Variants in MYT1L observed in about 807,000 individuals in gnomAD.
MYT1L encodes the protein myelin transcription factor 1 like, also known as myelin transcription factor 1-like protein.
In MYT1L, 12 loss-of-function variants were observed where a neutral mutation model predicts 126.7. That is an observed-to-expected ratio of 0.09 (90% CI 0.06 to 0.15). The LOEUF (loss-of-function observed/expected upper bound fraction) is 0.15. MYT1L is among the 10% of genes least tolerant of loss of function. The pLI, the probability that MYT1L is intolerant of heterozygous loss-of-function variation, is 1.00. For missense variants in MYT1L, 979 were observed against 1,585.2 expected (o/e 0.62, Z 6.49); for synonymous variants, 541 against 604.2 (o/e 0.90, Z 1.53).
At chr2:2,104,797 G>C (rs866412789) in intron 3 of MYT1L, among the ~76,000 whole-genome samples, 1 of 152,188 alleles carries the variant, frequency 6.6e-6, no homozygotes, top group African/African-American at 2.4e-5. Context: ...TGCATGGTTG[G>C]GGGAGGGCAG....
At chr2:1,981,765 G>C (rs1258852191) in intron 5 of MYT1L, among the ~76,000 whole-genome samples, 1 of 152,244 alleles carries the variant, frequency 6.6e-6, no homozygotes, top group Non-Finnish European at 1.5e-5. Flanking sequence ...GGAGGGGGCA[G>C]GCAGTGCAGT....
chr2:2,222,231 C>G (rs1158741239), intron 2 of MYT1L, among the ~76,000 whole-genome samples: 2 of 152,068 alleles, frequency 1.3e-5, no homozygotes, highest in Non-Finnish European at 2.9e-5. Flanking sequence ...GTGGCTCAGG[C>G]CTGTCTGTAA....
chr2:1,860,165 G>T (rs1225607496), intron 18 of MYT1L, among the ~76,000 whole-genome samples: 2 of 152,232 alleles, frequency 1.3e-5, no homozygotes, highest in Non-Finnish European at 2.9e-5. Context: ...AACGTACCTA[G>T]CACATCCTGA....
At chr2:1,817,643 C>A (rs190118710) in intron 21 of MYT1L, among the ~76,000 whole-genome samples, 1 of 152,274 alleles carries the variant, frequency 6.6e-6, no homozygotes, top group African/African-American at 2.4e-5. Flanking sequence ...TGGGAGCAGG[C>A]CCAGCGCGGC....
intron 1 of MYT1L, among the ~76,000 whole-genome samples, chr2:2,301,341 C>G (rs1463148467): frequency 2.6e-5 from 4 of 152,162 alleles, no homozygotes. Flanking sequence ...TCTCTTTGCT[C>G]TCCTATATAC....
At chr2:1,795,258 G>A (rs920601620) in intron 23 of MYT1L, among the ~76,000 whole-genome samples, 3 of 152,240 alleles carry the variant, frequency 2.0e-5, no homozygotes, top group Admixed American at 2.0e-4. Context: ...ACTGAGATGT[G>A]AGGCATGTTT....
At chr2:2,286,290 A>T (rs1428935083) in intron 1 of MYT1L, among the ~76,000 whole-genome samples, 8 of 152,136 alleles carry the variant, frequency 5.3e-5, no homozygotes, top group African/African-American at 1.7e-4. Flanking sequence ...CCTGTTCTTC[A>T]TTCTTCTAAA....
intron 3 of MYT1L, among the ~76,000 whole-genome samples, chr2:2,115,135 T>G (rs1432993794): frequency 6.6e-6 from 1 of 152,240 alleles, no homozygotes; most frequent in Non-Finnish European, 1.5e-5. Flanking sequence ...TTTTCCCTGC[T>G]CCTCCTGACA....
chr2:2,132,289 TGCA>T (rs1283910691), intron 3 of MYT1L, among the ~76,000 whole-genome samples: 1 of 152,136 alleles, frequency 6.6e-6, no homozygotes, highest in East Asian at 1.9e-4. Context: ...ATACGTTTAT[TGCA>T]GCACTATTTA....
intron 4 of MYT1L, among the ~76,000 whole-genome samples, chr2:2,012,784 A>T (rs1005744015): frequency 6.6e-6 from 1 of 152,116 alleles, no homozygotes; most frequent in African/African-American, 2.4e-5. Context: ...AGTCACTTGG[A>T]AGCCATCTCA....
At position 1,922,042 on chromosome 2, in the gene MYT1L, G is replaced by A. The variant is rs930485459; in HGVS notation, c.1483+244C>T. 1.3e-5 allele frequency among the ~76,000 whole-genome samples: 2 copies of A among 152,194 alleles called. No homozygotes were observed. The highest frequency in any genetic ancestry group is 2.9e-5 in the Non-Finnish European group (2 of 68,040). ...CTTCCCAAGGAATGCATTTCCCACT[G>A]AAATATCCTACTATTCATCTGCTCT... On this transcript the variant is annotated intron_variant, in intron 10 of 24. Transcript: ENST00000647738. This position sits in a 1 kb window ranked among gnomAD's most constrained non-coding sequence, Gnocchi z 7.4.
intron 18 of MYT1L, among the ~76,000 whole-genome samples, chr2:1,861,763 C>A (rs974322514): frequency 1.5e-4 from 23 of 152,052 alleles, no homozygotes; most frequent in Non-Finnish European, 2.5e-4. Flanking sequence ...GATACTCCTC[C>A]AGCCTGTGTA....
At chr2:1,919,095 C>A (rs1405687415) in intron 10 of MYT1L, among the ~76,000 whole-genome samples, 1 of 152,042 alleles carries the variant, frequency 6.6e-6, no homozygotes, top group Non-Finnish European at 1.5e-5. Flanking sequence ...CTTAAGTGAC[C>A]CTATTTTACC....
At chr2:2,199,023 A>T (rs2148810235) in intron 2 of MYT1L, among the ~76,000 whole-genome samples, 1 of 152,316 alleles carries the variant, frequency 6.6e-6, no homozygotes, top group East Asian at 1.9e-4. Context: ...CATAGACCAA[A>T]GGAGTGAAAG....
chr2:2,150,456 T>C (rs1344196998), intron 3 of MYT1L, among the ~76,000 whole-genome samples: 9 of 152,122 alleles, frequency 5.9e-5, no homozygotes, highest in African/African-American at 2.2e-4. Context: ...TTGAAAAAAA[T>C]AAGTCAGTGT....
At chr2:2,308,264 T>A (rs187053187) in intron 1 of MYT1L, among the ~76,000 whole-genome samples, 8 of 151,562 alleles carry the variant, frequency 5.3e-5, no homozygotes, top group Admixed American at 3.3e-4. Context: ...ACTCCACCTA[T>A]GCTTCAGTAC....
chr2:2,131,384 T>A (rs2082330345), intron 3 of MYT1L, among the ~76,000 whole-genome samples: 1 of 152,236 alleles, frequency 6.6e-6, no homozygotes, highest in African/African-American at 2.4e-5. Flanking sequence ...AACACAAGCA[T>A]ATTCATAATT....
In MYT1L at chr2:2,136,793, C is replaced by T. The variant is rs553632286; in HGVS notation, c.-304+36079G>A. On this transcript the variant is annotated intron_variant, in intron 3 of 24. Coordinates refer to ENST00000647738, the MANE Select transcript of MYT1L (RefSeq NM_001303052.2). The stretch of plus-strand genomic sequence containing the variant: ...AAAACTGGCACAAGACAGGGATGCC[C>T]TCTCTCACCACTCCTATTCAACATA... Among the ~76,000 whole-genome samples, 6 of 152,262 alleles carry T rather than the reference C, an allele frequency of 3.9e-5. No individual in the cohort carries two copies. The South Asian group carries it at 1.2e-3, about 32-fold the overall frequency.
intron 3 of MYT1L, among the ~76,000 whole-genome samples, chr2:2,093,451 C>A (rs1332633945): frequency 6.6e-6 from 1 of 151,424 alleles, no homozygotes; most frequent in Non-Finnish European, 1.5e-5. Flanking sequence ...TGATGATGAG[C>A]ATTTTTTCAT....
Sources: gnomAD v4.1 joint callset for allele counts (sites outside exome capture counted in the v4.1 genomes callset) on GRCh38, gnomAD v4.1.1 for gene constraint, Gnocchi (gnomAD v3.1) non-coding constraint, MANE v1.5 for transcripts, NCBI Gene and HGNC (gene_info 2026-07-23, HGNC 2026-07-21) for gene names.